Variants in BEX2 observed in about 807,000 individuals in gnomAD.
BEX2 encodes the protein protein BEX2.
A neutral mutation model predicts 4.1 loss-of-function variants in BEX2; 2 were observed. That is an observed-to-expected ratio of 0.49 (90% CI 0.20 to 1.53). The LOEUF is 1.53. BEX2 is among the 40% of genes most tolerant of loss of function. The pLI is 0.23. For synonymous variants in BEX2, 34 were observed against 35.9 expected, an observed-to-expected ratio of 0.95 and a Z score of 0.19; for missense variants, 94 against 99.9, an observed-to-expected ratio of 0.94 and a Z score of 0.25.
At chrX:103,310,731 C>A (rs1926178506) in intron 1 of BEX2, 129 bp downstream of exon 1, 2 of 832,712 alleles carry the variant, frequency 2.4e-6, no homozygotes, top group South Asian at 5.2e-5. Flanking sequence ...GGCTCGCGGT[C>A]CCGCGGCGGG....
rs1926109271 is a variant in BEX2 at position 103,309,365 on chromosome X, A to G, written c.*225T>C. On this transcript the variant is annotated 3_prime_UTR_variant, in exon 3 of 3. Coordinates refer to ENST00000372677, the MANE Select transcript of BEX2 (RefSeq NM_032621.4). ...AGAGAATGCTTTTTAAAACTGTTTT[A>G]TTAACTTCACAATATATAATGAGCA... 2.6e-6 allele frequency: 1 copy of G among 387,305 alleles called. No homozygotes were observed. Among genetic ancestry groups the G allele is most frequent in the African/African-American group, 2.7e-5 (1 of 37,387 alleles). 31.9% of individuals were successfully genotyped at this position (387,305 alleles called of 1,213,427 possible).
chrX:103,310,525 C>T, intron 1 of BEX2, 92 bp from the exon 2 acceptor site: 3 of 1,148,033 alleles, frequency 2.6e-6, no homozygotes, highest in Non-Finnish European at 3.5e-6. Flanking sequence ...CACGCCGGGC[C>T]CGGGCCCTCC....
In BEX2 at chrX:103,310,412, CG is replaced by C; in HGVS notation, c.-61del. On this transcript the variant is annotated 5_prime_UTR_variant, in exon 2 of 3. Transcript: ENST00000372677. The stretch of plus-strand genomic sequence containing the variant: ...CGATTCTCGACGTGAGGTGCGTCGC[CG>C]CAACACTTGGCCCCGCAAACCTGCA... 1.7e-6 allele frequency: 2 copies of C among 1,156,934 alleles called. No individual in the cohort carries two copies. Among genetic ancestry groups the C allele is most frequent in the Non-Finnish European group, 2.3e-6 (2 of 873,037 alleles).
At chrX:103,310,468 C>A in intron 1 of BEX2, 35 bp from the exon 2 acceptor site, 1 of 1,154,087 alleles carries the variant, frequency 8.7e-7, no homozygotes, top group Non-Finnish European at 1.1e-6. Flanking sequence ...GTGGGGGCTG[C>A]TGCAGCGGAA....
In BEX2 at chrX:103,310,504, G is replaced by A; in HGVS notation, c.-81-71C>T. On this transcript the variant is annotated intron_variant, in intron 1 of 2. Transcript: ENST00000372677. ...CGCTAGAGAGGACCCGCCGCCACCC[G>A]GCCCCTTCCCCACGCCGGGCCCGGG... 4.4e-6 allele frequency: 5 copies of A among 1,148,117 alleles called. No individual in the cohort carries two copies. The South Asian group carries it at 7.7e-5, about 18-fold the overall frequency. The allele number at this position is 1,148,117 out of a possible 1,213,427, so 94.6% of individuals were successfully genotyped here.
At chrX:103,310,520 C>T in intron 1 of BEX2, 87 bp from the exon 2 acceptor site, 2 of 1,146,035 alleles carry the variant, frequency 1.7e-6, no homozygotes, top group Non-Finnish European at 2.3e-6. Flanking sequence ...TTCCCCACGC[C>T]GGGCCCGGGC....
At chrX:103,310,521 G>T in intron 1 of BEX2, 88 bp from the exon 2 acceptor site, 1 of 1,146,487 alleles carries the variant, frequency 8.7e-7, no homozygotes. Context: ...TCCCCACGCC[G>T]GGCCCGGGCC....
At position 103,309,454 on chromosome X, in the gene BEX2, C is replaced by T; in HGVS notation, c.*136G>A. The T allele has an allele frequency of 1.0e-6, 1 of 986,915 alleles. No homozygotes were observed. Among genetic ancestry groups the T allele is most frequent in the Non-Finnish European group, 1.4e-6 (1 of 734,619 alleles). The allele number at this position is 986,915 out of a possible 1,213,427, so 81.3% of individuals were successfully genotyped here. ...AACTTACAAACTGGGTCAAAAACAA[C>T]ATTCATTTAGAAGCTGGTAATAGGA... On this transcript the variant is annotated 3_prime_UTR_variant, in exon 3 of 3. Coordinates refer to ENST00000372677, the MANE Select transcript of BEX2 (RefSeq NM_032621.4).
At chrX:103,310,458 G>A (rs747019825) in intron 1 of BEX2, 25 bp from the exon 2 acceptor site, 2 of 1,155,380 alleles carry the variant, frequency 1.7e-6, no homozygotes, top group Non-Finnish European at 1.1e-6. Context: ...GGTGGGAAGA[G>A]TGGGGGCTGC....
At chrX:103,310,670 G>A in intron 1 of BEX2, 190 bp downstream of exon 1, 4 of 1,108,225 alleles carry the variant, frequency 3.6e-6, no homozygotes, top group Non-Finnish European at 4.8e-6. Context: ...AAAGGTCGTA[G>A]CCTCAGGATC....
rs779032569 is a variant in BEX2, at chrX:103,309,471, G to A, written c.*119C>T. The A allele has an allele frequency of 9.5e-7, 1 of 1,057,965 alleles. No individual in the cohort carries two copies. The highest frequency in any genetic ancestry group is 1.3e-6 in the Non-Finnish European group (1 of 790,353). The allele number at this position is 1,057,965 out of a possible 1,213,427, so 87.2% of individuals were successfully genotyped here. ...AAAAACAACATTCATTTAGAAGCTG[G>A]TAATAGGAGACCCACAAGAAATAGG... On this transcript the variant is annotated 3_prime_UTR_variant, in exon 3 of 3. Coordinates refer to ENST00000372677, the MANE Select transcript of BEX2 (RefSeq NM_032621.4).
rs1018106610 is a variant in BEX2, at chrX:103,309,443, G to T, written c.*147C>A. The T allele has an allele frequency of 1.1e-6, 1 of 927,635 alleles. No homozygotes were observed. Among genetic ancestry groups the T allele is most frequent in the East Asian group, 3.1e-5 (1 of 31,806 alleles). 76.4% of individuals were successfully genotyped at this position (927,635 alleles called of 1,213,427 possible). A position where few individuals can be genotyped will look rare whatever the true frequency, so the allele number is the denominator to read the frequency against. On this transcript the variant is annotated 3_prime_UTR_variant, in exon 3 of 3. Coordinates refer to ENST00000372677, the MANE Select transcript of BEX2 (RefSeq NM_032621.4). ...CTGCTGACAGAAACTTACAAACTGG[G>T]TCAAAAACAACATTCATTTAGAAGC...
chrX:103,310,223 G>A, intron 2 of BEX2, 135 bp downstream of exon 2: 2 of 798,513 alleles, frequency 2.5e-6, no homozygotes, highest in Middle Eastern at 4.6e-4. Flanking sequence ...GGCCTCTGCA[G>A]GCACCAAAAT....
rs776549676 is a variant in BEX2 at position 103,310,335 on chromosome X, C to T, written c.-6+23G>A. 19 of 1,146,100 alleles carry T rather than the reference C, an allele frequency of 1.7e-5. No homozygotes were observed. The highest frequency in any genetic ancestry group is 2.2e-5 in the Non-Finnish European group (19 of 867,349). The allele number at this position is 1,146,100 out of a possible 1,213,427, so 94.5% of individuals were successfully genotyped here. Reference sequence around the variant, plus strand: ...CTTTCCTCATGTTCTGACCCCCTCCCCACCACCGTCCCTCGCACTGACCTG... The same window carrying T: ...CTTTCCTCATGTTCTGACCCCCTCCTCACCACCGTCCCTCGCACTGACCTG... On this transcript the variant is annotated intron_variant, in intron 2 of 2. Coordinates refer to ENST00000372677, the MANE Select transcript of BEX2 (RefSeq NM_032621.4).
At chrX:103,310,456 G>A (rs2147685172) in intron 1 of BEX2, 23 bp from the exon 2 acceptor site, 1 of 1,154,341 alleles carries the variant, frequency 8.7e-7, no homozygotes, top group East Asian at 3.3e-5. Flanking sequence ...GGGGTGGGAA[G>A]AGTGGGGGCT....
In BEX2 at chrX:103,309,711, C is replaced by T. The variant is rs137905613; in HGVS notation, c.266G>A (p.Gly89Glu). 1.7e-4 allele frequency: 204 copies of T among 1,209,177 alleles called. 2 individuals carry two copies. The African/African-American group carries it at 2.9e-3, about 17-fold the overall frequency. ...TTCCATCAGCTGTCTCACCTCCTCCCCAATCCTTTCCATATTCTCCTCTCT... is the reference window on the plus strand; with the variant it reads ...TTCCATCAGCTGTCTCACCTCCTCCTCAATCCTTTCCATATTCTCCTCTCT... ...RMREENMERI[G>E]EEVRQLMEKL... Residue 89 changes from glycine to glutamate, a missense_variant, in exon 3 of 3, where the codon GGG (glycine) becomes GAG (glutamate). Physicochemically the swap from Gly to Glu is moderately conservative, Grantham distance 98 (BLOSUM62 -2). Coordinates refer to ENST00000372677, the MANE Select transcript of BEX2 (RefSeq NM_032621.4).
At chrX:103,310,811 G>C (rs1926183529) in intron 1 of BEX2, 49 bp downstream of exon 1, 1 of 415,773 alleles carries the variant, frequency 2.4e-6, no homozygotes, top group Non-Finnish European at 3.9e-6. Flanking sequence ...TCCGCAGGCC[G>C]GGGCTGCTCC....
rs376290170 is a variant in BEX2, at chrX:103,310,587, A to C, written c.-81-154T>G. ...CGCCCAGCCCCCCAAGCTGACCACC[A>C]TTTTCTGCATCAAGAAGGGCGGAGC... On this transcript the variant is annotated intron_variant, in intron 1 of 2. Transcript: ENST00000372677. The C allele has an allele frequency of 5.4e-4, 616 of 1,150,539 alleles. 5 individuals carry two copies. In the Middle Eastern group the frequency reaches 5.6e-3, roughly 10 times the overall value. The allele number at this position is 1,150,539 out of a possible 1,213,427, so 94.8% of individuals were successfully genotyped here.
chrX:103,309,896 CTTTTCATCT>C lies in BEX2; in HGVS notation c.72_80del (p.Asp25_Lys27del). 8.3e-7 allele frequency: 1 copy of C among 1,211,338 alleles called. No individual in the cohort carries two copies. The highest frequency in any genetic ancestry group is 1.1e-6 in the Non-Finnish European group (1 of 895,396). On this transcript the variant is annotated inframe_deletion, in exon 3 of 3. Transcript: ENST00000372677. ...GCTCCCCTTTATTAGCAACTTGCTCCTTTTCATCTTTTTCATCATTTTCCTGGTTGACAT... is the reference window on the plus strand; with the variant it reads ...GCTCCCCTTTATTAGCAACTTGCTCCTTTTCATCATTTTCCTGGTTGACAT...
Sources: allele counts gnomAD v4.1 joint callset, GRCh38; gene constraint gnomAD v4.1.1; transcripts MANE v1.5; gene names NCBI Gene and HGNC (gene_info 2026-07-23, HGNC 2026-07-21).